VWC2: variants seen among roughly 807,000 people sequenced by gnomAD.
VWC2 encodes the protein von Willebrand factor C domain containing 2, also known as brorin.
In VWC2, 14 loss-of-function variants were observed where a neutral mutation model predicts 29.8. The observed-to-expected ratio is 0.47, with a 90% confidence interval of 0.31 to 0.74. The LOEUF (loss-of-function observed/expected upper bound fraction) is 0.74, where lower values mean the gene tolerates loss of function less well. VWC2 is among the 30% of genes least tolerant of loss of function. The pLI is 0.05. For missense variants in VWC2, 457 were observed against 459.8 expected, an observed-to-expected ratio of 0.99 and a Z score of 0.05; for synonymous variants, 213 against 199.0, an observed-to-expected ratio of 1.07 and a Z score of -0.59.
intron 3 of VWC2, among the ~76,000 whole-genome samples, chr7:49,855,397 C>T (rs1486279248): frequency 6.6e-6 from 1 of 152,120 alleles, no homozygotes; most frequent in Non-Finnish European, 1.5e-5. Context: ...TGACAGGGAC[C>T]TTGTCAGCAT....
intron 3 of VWC2, among the ~76,000 whole-genome samples, chr7:49,908,403 G>A (rs1267335897): frequency 2.6e-5 from 4 of 152,104 alleles, no homozygotes. Flanking sequence ...AGTGTAAAAT[G>A]AGACATATAA....
rs1417720868 is a variant in VWC2 at position 49,907,738 on chromosome 7, G to A, written c.827-4296G>A. 2.0e-5 allele frequency among the ~76,000 whole-genome samples: 3 copies of A among 152,310 alleles called. No homozygotes were observed. In the East Asian group the frequency reaches 5.8e-4, roughly 29 times the overall value. On this transcript the variant is annotated intron_variant, in intron 3 of 3. Coordinates refer to ENST00000340652, the MANE Select transcript of VWC2 (RefSeq NM_198570.5). ...GGGACAACTAAAAACTGAGGGTGGA[G>A]TTGGGGGCCACTTCCTGGTCATAGG...
At position 49,917,585 on chromosome 7, in the gene VWC2, G is replaced by C. The variant is rs1365272712; in HGVS notation, c.*5400G>C. The C allele has an allele frequency of 4.6e-5, 7 of 152,122 alleles. No homozygotes were observed. Among genetic ancestry groups the C allele is most frequent in the Non-Finnish European group, 1.0e-4 (7 of 68,016 alleles). The allele number at this position is 152,122 out of a possible 1,614,324, so 9.4% of individuals were successfully genotyped here. A position where few individuals can be genotyped will look rare whatever the true frequency, so the allele number is the denominator to read the frequency against. On this transcript the variant is annotated 3_prime_UTR_variant, in exon 4 of 4. Coordinates refer to ENST00000340652, the MANE Select transcript of VWC2 (RefSeq NM_198570.5). ...AAAGTATGTACCTAAAGTCAATTTA[G>C]TATATTATGAATACAGCCTGATGAC...
At chr7:49,865,528 T>G (rs1790847536) in intron 3 of VWC2, among the ~76,000 whole-genome samples, 8 of 152,228 alleles carry the variant, frequency 5.3e-5, no homozygotes. Flanking sequence ...ATGTGGTTCC[T>G]CACCTTCCCA....
chr7:49,776,769 C>A (rs1739371832), intron 2 of VWC2, among the ~76,000 whole-genome samples: 1 of 152,188 alleles, frequency 6.6e-6, no homozygotes, highest in South Asian at 2.1e-4. Context: ...TACTGTGCGT[C>A]AGGATCCCGC....
At chr7:49,840,751 C>T (rs1246509547) in intron 3 of VWC2, among the ~76,000 whole-genome samples, 2 of 152,034 alleles carry the variant, frequency 1.3e-5, no homozygotes, top group African/African-American at 2.4e-5. Context: ...TTTGTGGATC[C>T]GGCATTCAAG....
At position 49,912,508 on chromosome 7, in the gene VWC2, A is replaced by G; in HGVS notation, c.*323A>G. On this transcript the variant is annotated 3_prime_UTR_variant, in exon 4 of 4. Transcript: ENST00000340652. ...GAGAGCTTATATAAGTGTTTTCTAT[A>G]GATGCAGATTAAAAATGCTGTGTTG... 1 of 189,322 alleles carries G rather than the reference A, an allele frequency of 5.3e-6. No individual in the cohort carries two copies. Among genetic ancestry groups the G allele is most frequent in the Non-Finnish European group, 1.1e-5 (1 of 90,716 alleles). The allele number at this position is 189,322 out of a possible 1,614,324, so 11.7% of individuals were successfully genotyped here. A position where few individuals can be genotyped will look rare whatever the true frequency, so the allele number is the denominator to read the frequency against.
intron 2 of VWC2, among the ~76,000 whole-genome samples, chr7:49,789,052 G>T (rs1788384246): frequency 1.3e-5 from 2 of 150,592 alleles, no homozygotes; most frequent in South Asian, 4.2e-4. Flanking sequence ...GTGAGTGTGG[G>T]TGTATGTGTG....
intron 2 of VWC2, among the ~76,000 whole-genome samples, chr7:49,791,065 G>A (rs942196966): frequency 6.6e-6 from 1 of 151,980 alleles, no homozygotes; most frequent in African/African-American, 2.4e-5. Context: ...CAGACCTGTG[G>A]GTGTGTTTTC....
intron 3 of VWC2, among the ~76,000 whole-genome samples, chr7:49,807,164 GGAT>G (rs1583641081): frequency 1.3e-5 from 2 of 152,062 alleles, no homozygotes; most frequent in African/African-American, 4.8e-5. Context: ...GTAAAAGGAG[GGAT>G]ATATCATGTT....
chr7:49,820,271 A>G (rs940826683), intron 3 of VWC2, among the ~76,000 whole-genome samples: 2 of 152,104 alleles, frequency 1.3e-5, no homozygotes, highest in African/African-American at 4.8e-5. Flanking sequence ...CAACTTCTCC[A>G]CACTCCAGGC....
At chr7:49,883,440 C>T (rs1280128670) in intron 3 of VWC2, among the ~76,000 whole-genome samples, 1 of 152,016 alleles carries the variant, frequency 6.6e-6, no homozygotes, top group Non-Finnish European at 1.5e-5. Flanking sequence ...TCAAAATAAA[C>T]ATTAAAAATA....
At chr7:49,882,213 C>T (rs1448003160) in intron 3 of VWC2, among the ~76,000 whole-genome samples, 1 of 152,056 alleles carries the variant, frequency 6.6e-6, no homozygotes, top group Non-Finnish European at 1.5e-5. Context: ...GGAAGTAACA[C>T]TTTTTTGTTT....
chr7:49,783,418 A>G (rs1183136870), intron 2 of VWC2, among the ~76,000 whole-genome samples: 1 of 152,128 alleles, frequency 6.6e-6, no homozygotes, highest in African/African-American at 2.4e-5. Flanking sequence ...CCTGGGCCAG[A>G]TGTTCTAGGG....
At chr7:49,808,461 T>C (rs1017094216) in intron 3 of VWC2, among the ~76,000 whole-genome samples, 5 of 152,032 alleles carry the variant, frequency 3.3e-5, no homozygotes, top group African/African-American at 1.2e-4. Flanking sequence ...CATTAAATAA[T>C]TCCTAGAAAA....
At chr7:49,883,412 A>G (rs1006540305) in intron 3 of VWC2, among the ~76,000 whole-genome samples, 2 of 152,214 alleles carry the variant, frequency 1.3e-5, no homozygotes, top group African/African-American at 4.8e-5. Context: ...CAATTTGGAA[A>G]AAAGGTGAAT....
intron 3 of VWC2, among the ~76,000 whole-genome samples, chr7:49,865,052 A>AT (rs1430300842): frequency 7.9e-5 from 12 of 152,164 alleles, no homozygotes; most frequent in Middle Eastern, 3.4e-3. Flanking sequence ...TAAAGATCTT[A>AT]TTTTTTGTAA....
intron 3 of VWC2, among the ~76,000 whole-genome samples, chr7:49,898,030 CCTAA>C (rs1271377462): frequency 1.3e-5 from 2 of 152,090 alleles, no homozygotes; most frequent in African/African-American, 4.8e-5. Flanking sequence ...TTTATCAGAG[CCTAA>C]CTGATCTGGG....
At chr7:49,788,916 G>A (rs920324372) in intron 2 of VWC2, among the ~76,000 whole-genome samples, 1 of 149,012 alleles carries the variant, frequency 6.7e-6, no homozygotes, top group Non-Finnish European at 1.5e-5. Flanking sequence ...GTGAGAGTGT[G>A]TGTGGCCTGC....
Sources: allele counts gnomAD v4.1 joint callset (sites outside exome capture counted in the v4.1 genomes callset), GRCh38; gene constraint gnomAD v4.1.1; transcripts MANE v1.5; gene names NCBI Gene and HGNC (gene_info 2026-07-23, HGNC 2026-07-21).